The following MACROD2 variants were observed in gnomAD, a reference collection of about 807,000 sequenced individuals.
MACROD2 encodes mono-ADP ribosylhydrolase 2.
A neutral mutation model predicts 70.4 loss-of-function variants in MACROD2; 36 were observed. The observed-to-expected ratio is 0.51, with a 90% CI of 0.39 to 0.68. MACROD2 has a LOEUF of 0.68. MACROD2 is among the 30% of genes least tolerant of loss of function. The pLI, the probability that MACROD2 is intolerant of heterozygous loss-of-function variation, is 0.00. For missense variants in MACROD2, 496 were observed against 538.4 expected (o/e 0.92, Z 0.78); for synonymous variants, 172 against 178.8 (o/e 0.96, Z 0.30).
intron 15 of MACROD2, among the ~76,000 whole-genome samples, chr20:15,991,896 T>G (rs1163993741): frequency 2.0e-5 from 3 of 152,182 alleles, no homozygotes; most frequent in Non-Finnish European, 4.4e-5. Context: ...ATGAAATTCC[T>G]CATATTGGTT....
At chr20:15,396,532 A>C (rs1363807534) in intron 6 of MACROD2, among the ~76,000 whole-genome samples, 1 of 152,182 alleles carries the variant, frequency 6.6e-6, no homozygotes, top group Non-Finnish European at 1.5e-5. Flanking sequence ...ACAATTAAAT[A>C]TTGCTTAGTA....
At position 15,164,085 on chromosome 20, in the gene MACROD2, G is replaced by A. The variant is rs116425901; in HGVS notation, c.419-65855G>A. Among the ~76,000 whole-genome samples the A allele has an allele frequency of 8.2e-4, 125 of 152,038 alleles. 1 individual carries two copies. Among genetic ancestry groups the A allele is most frequent in the African/African-American group, 2.5e-3 (104 of 41,480 alleles). On this transcript the variant is annotated intron_variant, in intron 5 of 17. Transcript: ENST00000684519. The stretch of plus-strand genomic sequence containing the variant: ...CAGAGAAAATAACAATTGTTATTTC[G>A]CAAAATTTAATACTCAAAGGACATA...
intron 8 of MACROD2, among the ~76,000 whole-genome samples, chr20:15,563,308 TC>T (rs1373368907): frequency 2.0e-5 from 3 of 152,190 alleles, no homozygotes; most frequent in African/African-American, 7.2e-5. Flanking sequence ...ATGAAAGACT[TC>T]CTAACCCTCC....
At chr20:15,014,177 G>T (rs1045171572) in intron 5 of MACROD2, among the ~76,000 whole-genome samples, 1 of 152,096 alleles carries the variant, frequency 6.6e-6, no homozygotes, top group Non-Finnish European at 1.5e-5. Flanking sequence ...TGGTTGTCTG[G>T]TGTGAAGCAT....
chr20:14,092,329 C>A (rs1489558748), intron 3 of MACROD2, among the ~76,000 whole-genome samples: 15 of 151,986 alleles, frequency 9.9e-5, no homozygotes, highest in Non-Finnish European at 2.9e-5. Context: ...CAGTTCATAT[C>A]TTTTGCCATT....
At chr20:15,096,138 A>G (rs1281230005) in intron 5 of MACROD2, among the ~76,000 whole-genome samples, 1 of 152,148 alleles carries the variant, frequency 6.6e-6, no homozygotes, top group African/African-American at 2.4e-5. Flanking sequence ...AAATGAAAAG[A>G]CACTAGGCCA....
intron 5 of MACROD2, among the ~76,000 whole-genome samples, chr20:14,998,898 A>T (rs2074971406): frequency 6.6e-6 from 1 of 152,230 alleles, no homozygotes; most frequent in Non-Finnish European, 1.5e-5. Flanking sequence ...AAAAGAAACA[A>T]CTAACATACA....
At chr20:14,464,784 C>A (rs1222232577) in intron 3 of MACROD2, among the ~76,000 whole-genome samples, 1 of 151,982 alleles carries the variant, frequency 6.6e-6, no homozygotes, top group Non-Finnish European at 1.5e-5. Context: ...GCCTTCATTT[C>A]GTTATGTACC....
intron 16 of MACROD2, among the ~76,000 whole-genome samples, chr20:16,043,659 G>A (rs1009895597): frequency 4.6e-5 from 7 of 151,982 alleles, no homozygotes; most frequent in African/African-American, 1.2e-4. Flanking sequence ...TCACAACTAC[G>A]GGATCTGGTT....
chr20:14,310,588 A>G (rs560451217), intron 3 of MACROD2, among the ~76,000 whole-genome samples: 2 of 152,270 alleles, frequency 1.3e-5, no homozygotes, highest in African/African-American at 4.8e-5. Flanking sequence ...AAAAATGACT[A>G]TCTTACTAGT....
At chr20:14,257,351 T>G (rs1440315969) in intron 3 of MACROD2, among the ~76,000 whole-genome samples, 1 of 152,208 alleles carries the variant, frequency 6.6e-6, no homozygotes, top group East Asian at 1.9e-4. Flanking sequence ...AAGATGCAGA[T>G]TACTTTAAAT....
chr20:14,988,972 G>T (rs987385231), intron 5 of MACROD2, among the ~76,000 whole-genome samples: 1 of 151,964 alleles, frequency 6.6e-6, no homozygotes, highest in Non-Finnish European at 1.5e-5. Context: ...TAGATTAAAA[G>T]AAGAAACACA....
At chr20:15,138,111 G>A (rs2076164414) in intron 5 of MACROD2, among the ~76,000 whole-genome samples, 1 of 151,982 alleles carries the variant, frequency 6.6e-6, no homozygotes, top group Admixed American at 6.6e-5. Context: ...TGAAAATTTA[G>A]GAACTCTATC....
chr20:15,113,028 A>G (rs73096076), intron 5 of MACROD2, among the ~76,000 whole-genome samples: 11,440 of 150,784 alleles, frequency 0.076, 497 homozygotes, highest in Middle Eastern at 0.16. Flanking sequence ...TCATCTATCA[A>G]TGAACACTTC....
chr20:15,677,178 G>A (rs566279564), intron 8 of MACROD2, among the ~76,000 whole-genome samples: 1 of 152,286 alleles, frequency 6.6e-6, no homozygotes, highest in South Asian at 2.1e-4. Flanking sequence ...TTGTTTTGGA[G>A]AATAAGTTGT....
At chr20:14,325,752 A>G in intron 3 of MACROD2, 1 of 1,613,936 alleles carries the variant, frequency 6.2e-7, no homozygotes, top group Non-Finnish European at 8.5e-7. Context: ...TTTCCAGGAT[A>G]GAGTTGTCCT....
intron 2 of MACROD2, among the ~76,000 whole-genome samples, chr20:14,070,943 C>G (rs2053828946): frequency 6.6e-6 from 1 of 152,128 alleles, no homozygotes; most frequent in Non-Finnish European, 1.5e-5. Context: ...GCTAAATCTT[C>G]AAAGCTTCCT....
intron 3 of MACROD2, among the ~76,000 whole-genome samples, chr20:14,261,577 T>C (rs1368102120): frequency 6.6e-6 from 1 of 152,132 alleles, no homozygotes; most frequent in African/African-American, 2.4e-5. Flanking sequence ...TGAAAAAACA[T>C]AGAATTGAAA....
At chr20:14,044,111 C>T (rs558017552) in intron 2 of MACROD2, among the ~76,000 whole-genome samples, 1 of 151,880 alleles carries the variant, frequency 6.6e-6, no homozygotes, top group South Asian at 2.1e-4. Context: ...GGCAGTGTGT[C>T]CAGAGTTTGT....
Sources: allele counts gnomAD v4.1 joint callset (sites outside exome capture counted in the v4.1 genomes callset), GRCh38; gene constraint gnomAD v4.1.1; transcripts MANE v1.5; gene names NCBI Gene and HGNC (gene_info 2026-07-23, HGNC 2026-07-21).